Variants in TMED6 observed in about 807,000 individuals in gnomAD.
The protein encoded by TMED6 is transmembrane emp24 domain-containing protein 6.
Under a neutral mutation model 26.5 loss-of-function variants are expected in TMED6, and 17 were observed. That is an observed-to-expected ratio of 0.64 (90% CI 0.44 to 0.96). The LOEUF (loss-of-function observed/expected upper bound fraction) is 0.96, where lower values mean the gene tolerates loss of function less well. TMED6 is among the 40% of genes least tolerant of loss of function. The pLI is 0.00. For synonymous variants in TMED6, 107 were observed against 106.2 expected, an observed-to-expected ratio of 1.01 and a Z score of -0.04; for missense variants, 309 against 296.5, an observed-to-expected ratio of 1.04 and a Z score of -0.31.
At chr16:69,345,811 G>A (rs1356076249) in intron 3 of TMED6, among the ~76,000 whole-genome samples, 1 of 151,550 alleles carries the variant, frequency 6.6e-6, no homozygotes, top group Non-Finnish European at 1.5e-5. Flanking sequence ...GAGTGGCTGG[G>A]ACCACAAGTA....
chr16:69,348,104 A>C, intron 2 of TMED6, 168 bp from the exon 3 acceptor site: 1 of 659,758 alleles, frequency 1.5e-6, no homozygotes, highest in Non-Finnish European at 2.5e-6. Context: ...CCTTATGTTA[A>C]ACTTATACTA....
At chr16:69,350,009 C>T (rs1032570808) in intron 1 of TMED6, among the ~76,000 whole-genome samples, 3 of 152,078 alleles carry the variant, frequency 2.0e-5, no homozygotes, top group East Asian at 3.9e-4. Context: ...CGGTGGCTCA[C>T]GCCTGTAATC....
At position 69,343,312 on chromosome 16, in the gene TMED6, A is replaced by G. The variant is rs2012612518; in HGVS notation, c.*95T>C. 2 of 1,137,348 alleles carry G rather than the reference A, an allele frequency of 1.8e-6. No homozygotes were observed. The highest frequency in any genetic ancestry group is 2.5e-6 in the Non-Finnish European group (2 of 804,404). The allele number at this position is 1,137,348 out of a possible 1,614,324, so 70.5% of individuals were successfully genotyped here. A position where few individuals can be genotyped will look rare whatever the true frequency, so the allele number is the denominator to read the frequency against. Reference sequence around the variant, plus strand: ...TTAGATGTGTGCAGCAGACTAAAACATTAATGAGATAATTGATTTTTGTCC... The same window carrying G: ...TTAGATGTGTGCAGCAGACTAAAACGTTAATGAGATAATTGATTTTTGTCC... On this transcript the variant is annotated 3_prime_UTR_variant, in exon 4 of 4. Coordinates refer to ENST00000288025, the MANE Select transcript of TMED6 (RefSeq NM_144676.4).
In TMED6 at chr16:69,351,704, G is replaced by A. The variant is rs551658039; in HGVS notation, c.50C>T (p.Thr17Met). ...TTCTGTCTTCTGGCTCCTGGCAGAC[G>A]TCACTAGATTCAGAACGACCAGCCC... ...GAGLVVLNLV[T>M]SARSQKTEPL... The change falls in exon 1 of 4, where the codon ACG becomes ATG. Residue 17 changes from threonine to methionine, a missense_variant. Transcript: ENST00000288025. 3.5e-5 allele frequency: 57 copies of A among 1,613,680 alleles called. No individual in the cohort carries two copies. In the South Asian group the frequency reaches 5.2e-4, roughly 15 times the overall value.
intron 3 of TMED6, among the ~76,000 whole-genome samples, chr16:69,345,026 T>C (rs139294473): frequency 0.06 from 9,159 of 152,050 alleles, 292 homozygotes; most frequent in South Asian, 0.083. Flanking sequence ...GAGGCGGAGG[T>C]TGCAGTGAGC....
At position 69,351,544 on chromosome 16, in the gene TMED6, G is replaced by A. The variant is rs187375394; in HGVS notation, c.210C>T (p.Tyr70=). 14 of 1,613,810 alleles carry A rather than the reference G, an allele frequency of 8.7e-6. No homozygotes were observed. The highest frequency in any genetic ancestry group is 3.3e-5 in the Admixed American group (2 of 60,006). The part of the protein sequence containing the change: ...AHQTGYFYFS[Y]EVQRTVGMSH... ...GTATGGCCAGTCACCCACATACCTCGTAACTGAAATAGAAGTATCCAGTCT... is the reference window on the plus strand; with the variant it reads ...GTATGGCCAGTCACCCACATACCTCATAACTGAAATAGAAGTATCCAGTCT... Residue 70 remains tyrosine (Y), a synonymous_variant, in exon 1 of 4, where the codon TAC becomes TAT. Coordinates refer to ENST00000288025, the MANE Select transcript of TMED6 (RefSeq NM_144676.4).
intron 2 of TMED6, 162 bp from the exon 3 acceptor site, chr16:69,348,098 A>G (rs1004597202): frequency 2.8e-6 from 2 of 708,756 alleles, no homozygotes; most frequent in South Asian, 2.3e-5. Context: ...CACGGACCTT[A>G]TGTTAAACTT....
At position 69,351,707 on chromosome 16, in the gene TMED6, A is replaced by G; in HGVS notation, c.47T>C (p.Val16Ala). ...FGAGLVVLNL[V>A]TSARSQKTEP... ...TGTCTTCTGGCTCCTGGCAGACGTC[A>G]CTAGATTCAGAACGACCAGCCCAGC... The change falls in exon 1 of 4, where the codon GTG becomes GCG. Residue 16 changes from valine (V) to alanine (A), a missense_variant. Physicochemically the swap from Val to Ala is moderately conservative, Grantham distance 64 (BLOSUM62 0). Transcript: ENST00000288025. 6.2e-7 allele frequency: 1 copy of G among 1,613,714 alleles called. No homozygotes were observed. Among genetic ancestry groups the G allele is most frequent in the Non-Finnish European group, 8.5e-7 (1 of 1,179,994 alleles).
At chr16:69,349,363 T>C (rs1454318588) in intron 2 of TMED6, among the ~76,000 whole-genome samples, 162 bp downstream of exon 2, 2 of 152,248 alleles carry the variant, frequency 1.3e-5, no homozygotes, top group Non-Finnish European at 2.9e-5. Flanking sequence ...AGACTGCCAC[T>C]TGGCATCCTT....
intron 1 of TMED6, 118 bp from the exon 2 acceptor site, chr16:69,349,769 T>C: frequency 9.2e-6 from 12 of 1,302,150 alleles, no homozygotes; most frequent in Non-Finnish European, 1.2e-5. Context: ...GGGGTGGGAC[T>C]GCCCAACCCC....
chr16:69,349,697 G>A (rs374176612), intron 1 of TMED6, 46 bp from the exon 2 acceptor site: 67 of 1,593,390 alleles, frequency 4.2e-5, no homozygotes, highest in African/African-American at 2.0e-4. Context: ...GCTACATCAC[G>A]AGGAAGCCAG....
At chr16:69,349,429 T>C (rs1432735222) in intron 2 of TMED6, 96 bp downstream of exon 2, 1 of 1,437,656 alleles carries the variant, frequency 7.0e-7, no homozygotes, top group Admixed American at 2.1e-5. Flanking sequence ...TGAATTTTTT[T>C]CCTACTGTTA....
chr16:69,344,095 A>G (rs1394849300), intron 3 of TMED6, among the ~76,000 whole-genome samples: 2 of 152,176 alleles, frequency 1.3e-5, no homozygotes, highest in African/African-American at 4.8e-5. Context: ...GGCCTCCCAA[A>G]GTGTTGGGAT....
chr16:69,347,016 G>C (rs947614042), intron 3 of TMED6, among the ~76,000 whole-genome samples: 7 of 152,114 alleles, frequency 4.6e-5, no homozygotes, highest in African/African-American at 1.7e-4. Context: ...CTGCAGCCTG[G>C]ACAAGAGTGA....
chr16:69,348,470 GGGGGGCGCGGGGTGGGGAGCGGGTGGGAA>G, intron 2 of TMED6: 1 of 150,166 alleles, frequency 6.7e-6, no homozygotes, highest in African/African-American at 2.5e-5. Flanking sequence ...GCGGGGGGGA[GGGGGGCGCGGGGTGGGGAGCGGGTGGGAA>G]GGAGCAAGGT....
In TMED6 at chr16:69,347,770, C is replaced by G. The variant is rs2012708123; in HGVS notation, c.489+18G>C. Reference sequence around the variant, plus strand: ...TCAGTTTCCACAGATGTTTCTCTTCCACAAAACACTTCCTTACCTCAATTG... The same window carrying G: ...TCAGTTTCCACAGATGTTTCTCTTCGACAAAACACTTCCTTACCTCAATTG... On this transcript the variant is annotated intron_variant, in intron 3 of 3. Coordinates refer to ENST00000288025, the MANE Select transcript of TMED6 (RefSeq NM_144676.4). 3.7e-6 allele frequency: 6 copies of G among 1,612,728 alleles called. No individual in the cohort carries two copies. The highest frequency in any genetic ancestry group is 1.3e-5 in the African/African-American group (1 of 74,858).
intron 2 of TMED6, 70 bp downstream of exon 2, chr16:69,349,455 C>T (rs1171611209): frequency 7.1e-6 from 11 of 1,547,992 alleles, no homozygotes; most frequent in Admixed American, 1.8e-5. Flanking sequence ...TCTCTGTATA[C>T]TTCCTCATTA....
In TMED6 at chr16:69,343,485, A is replaced by T. The variant is rs748625984; in HGVS notation, c.645T>A (p.Ser215=). 6.2e-6 allele frequency: 10 copies of T among 1,614,084 alleles called. No homozygotes were observed. In the Admixed American group the frequency reaches 8.3e-5, roughly 13 times the overall value. ...STAQSLVIIL[S]GILQLYFLKR... ...TCAAGAAATACAGTTGCAGGATCCCAGAAAGAATAATAACAAGGCTCTGGG... is the reference window on the plus strand; with the variant it reads ...TCAAGAAATACAGTTGCAGGATCCCTGAAAGAATAATAACAAGGCTCTGGG... Residue 215 remains serine, a synonymous_variant, in exon 4 of 4, where the codon TCT becomes TCA. Coordinates refer to ENST00000288025, the MANE Select transcript of TMED6 (RefSeq NM_144676.4).
intron 3 of TMED6, among the ~76,000 whole-genome samples, chr16:69,344,816 C>T (rs1209204106): frequency 2.0e-5 from 3 of 151,562 alleles, no homozygotes; most frequent in Non-Finnish European, 2.9e-5. Flanking sequence ...TGGCCGGGCA[C>T]GGTGGCTCGT....
Sources: gnomAD v4.1 joint callset for allele counts (sites outside exome capture counted in the v4.1 genomes callset) on GRCh38, gnomAD v4.1.1 for gene constraint, MANE v1.5 for transcripts, NCBI Gene and HGNC (gene_info 2026-07-23, HGNC 2026-07-21) for gene names.